CTNNA2: variants seen among roughly 807,000 people sequenced by gnomAD.
CTNNA2 encodes the protein catenin alpha-2.
CTNNA2 carries 42 observed loss-of-function variants against 101.0 expected under a neutral mutation model. The ratio of observed to expected loss-of-function variants is 0.42; its 90% CI spans 0.32 to 0.54. CTNNA2 has a LOEUF of 0.54. CTNNA2 is among the 20% of genes least tolerant of loss of function. The pLI, the probability that CTNNA2 is intolerant of heterozygous loss-of-function variation, is 0.14. For synonymous variants in CTNNA2, 450 were observed against 456.4 expected, an observed-to-expected ratio of 0.99 and a Z score of 0.18; for missense variants, 871 against 1,223.1, an observed-to-expected ratio of 0.71 and a Z score of 4.29.
chr2:80,212,855 G>C (rs1006589635), intron 7 of CTNNA2, among the ~76,000 whole-genome samples: 1 of 152,026 alleles, frequency 6.6e-6, no homozygotes, highest in East Asian at 1.9e-4. Flanking sequence ...GAATTTTTTT[G>C]GTTGGTAGGC....
At chr2:79,601,605 C>T (rs973854539) in intron 1 of CTNNA2, among the ~76,000 whole-genome samples, 3 of 152,226 alleles carry the variant, frequency 2.0e-5, no homozygotes, top group African/African-American at 7.2e-5. Flanking sequence ...GTTGGAACAA[C>T]AGCATTTACT....
chr2:79,836,704 C>A (rs1558566780), intron 3 of CTNNA2, among the ~76,000 whole-genome samples: 1 of 152,142 alleles, frequency 6.6e-6, no homozygotes, highest in Non-Finnish European at 1.5e-5. Flanking sequence ...TCAGTCCTTT[C>A]ATCTCTGACT....
intron 4 of CTNNA2, among the ~76,000 whole-genome samples, chr2:79,385,005 T>C (rs1678081987): frequency 6.6e-6 from 1 of 152,248 alleles, no homozygotes; most frequent in Non-Finnish European, 1.5e-5. Flanking sequence ...CACAGAATGC[T>C]ATGCAATTTA....
chr2:79,314,413 A>G (rs1240313245), intron 3 of CTNNA2, among the ~76,000 whole-genome samples: 2 of 152,232 alleles, frequency 1.3e-5, no homozygotes, highest in African/African-American at 4.8e-5. Flanking sequence ...TAATGTAAAC[A>G]ACCTCTCAGG....
intron 1 of CTNNA2, among the ~76,000 whole-genome samples, chr2:79,525,261 A>G (rs1490525107): frequency 6.6e-6 from 1 of 151,956 alleles, no homozygotes; most frequent in Non-Finnish European, 1.5e-5. Flanking sequence ...ATTTTTTGGC[A>G]GTAAGATCTT....
intron 7 of CTNNA2, among the ~76,000 whole-genome samples, chr2:80,135,358 AGAG>A (rs1702635456): frequency 6.6e-6 from 1 of 152,224 alleles, no homozygotes; most frequent in African/African-American, 2.4e-5. Flanking sequence ...GGAGCAATCT[AGAG>A]ACAAAGGAAG....
At chr2:80,037,230 G>T (rs1377728950) in intron 7 of CTNNA2, among the ~76,000 whole-genome samples, 1 of 152,148 alleles carries the variant, frequency 6.6e-6, no homozygotes, top group African/African-American at 2.4e-5. Flanking sequence ...GCCCTCTAAT[G>T]TAAAGAAGAC....
At chr2:79,389,035 A>G (rs1006635606) in intron 4 of CTNNA2, among the ~76,000 whole-genome samples, 1 of 152,216 alleles carries the variant, frequency 6.6e-6, no homozygotes, top group Non-Finnish European at 1.5e-5. Context: ...AATTAAAAAG[A>G]ATAGTCTTAT....
intron 2 of CTNNA2, among the ~76,000 whole-genome samples, chr2:79,731,283 A>AT (rs956904836): frequency 2.0e-5 from 3 of 151,958 alleles, no homozygotes; most frequent in Non-Finnish European, 4.4e-5. Context: ...GATTTTGATG[A>AT]TTTTTCATTG....
intron 7 of CTNNA2, among the ~76,000 whole-genome samples, chr2:80,034,286 A>G (rs1289799825): frequency 2.0e-5 from 3 of 151,934 alleles, no homozygotes; most frequent in Non-Finnish European, 4.4e-5. Context: ...ATATAAACAA[A>G]TAATCACTGA....
chr2:80,176,675 A>T (rs1385001228), intron 7 of CTNNA2, among the ~76,000 whole-genome samples: 2 of 152,192 alleles, frequency 1.3e-5, no homozygotes, highest in Non-Finnish European at 2.9e-5. Context: ...GCATGATAAT[A>T]CTAAGAGATG....
intron 9 of CTNNA2, among the ~76,000 whole-genome samples, chr2:80,542,449 A>ATATT (rs1191750297): frequency 6.6e-6 from 1 of 152,030 alleles, no homozygotes; most frequent in African/African-American, 2.4e-5. Context: ...TTTGGCAAGA[A>ATATT]TATTTCATGG....
intron 7 of CTNNA2, among the ~76,000 whole-genome samples, chr2:80,218,331 A>G (rs1266519213): frequency 6.6e-6 from 1 of 152,232 alleles, no homozygotes; most frequent in East Asian, 1.9e-4. Context: ...CAACAAGGTG[A>G]CAGCTCTTAC....
At chr2:79,204,446 C>T (rs1004849508) in intron 2 of CTNNA2, among the ~76,000 whole-genome samples, 8 of 152,068 alleles carry the variant, frequency 5.3e-5, no homozygotes, top group Non-Finnish European at 8.8e-5. Context: ...GAACTGATCA[C>T]GAATGAAGCT....
intron 3 of CTNNA2, among the ~76,000 whole-genome samples, chr2:79,769,949 A>C (rs1193181368): frequency 6.6e-6 from 1 of 152,224 alleles, no homozygotes; most frequent in Non-Finnish European, 1.5e-5. Flanking sequence ...AAATGTGACT[A>C]GTGTGACTGA....
In CTNNA2 at chr2:80,295,202, GT is replaced by G. The variant is rs1033389324; in HGVS notation, c.1057-98008del. Among the ~76,000 whole-genome samples, 10 of 149,948 alleles carry G rather than the reference GT, an allele frequency of 6.7e-5. No homozygotes were observed. In the Admixed American group the frequency reaches 6.7e-4, roughly 10 times the overall value. ...ATTGTGGCCACTTACAATGTAGTATGTCATTTTGAGAGTCCTGAACAAATTT... is the reference window on the plus strand; with the variant it reads ...ATTGTGGCCACTTACAATGTAGTATGCATTTTGAGAGTCCTGAACAAATTT... On this transcript the variant is annotated intron_variant, in intron 7 of 18. Coordinates refer to ENST00000402739, the MANE Select transcript of CTNNA2 (RefSeq NM_001282597.3).
chr2:79,324,598 A>G (rs564611565), intron 3 of CTNNA2, among the ~76,000 whole-genome samples: 2 of 152,312 alleles, frequency 1.3e-5, no homozygotes, highest in Non-Finnish European at 1.5e-5. Context: ...AGCAGCTGCC[A>G]TTGTTTGCTA....
At chr2:79,980,989 TC>T (rs1691225813) in intron 7 of CTNNA2, among the ~76,000 whole-genome samples, 1 of 152,184 alleles carries the variant, frequency 6.6e-6, no homozygotes, top group Non-Finnish European at 1.5e-5. Flanking sequence ...TCACTTGTTT[TC>T]ACTAGGCTTT....
At chr2:80,559,891 T>TTTTTATATATATATATATATATATACAC (rs67796030) in intron 12 of CTNNA2, among the ~76,000 whole-genome samples, 1,548 of 146,856 alleles carry the variant, frequency 0.011, 40 homozygotes, top group East Asian at 0.086. Context: ...TATATATATA[T>TTTTTATATATATATATATATATATACAC]ACACACACAT....
Sources: allele counts gnomAD v4.1 joint callset (sites outside exome capture counted in the v4.1 genomes callset), GRCh38; gene constraint gnomAD v4.1.1; transcripts MANE v1.5; gene names NCBI Gene and HGNC (gene_info 2026-07-23, HGNC 2026-07-21).